Variants in GKAP1 observed in about 807,000 individuals in gnomAD.
The protein encoded by GKAP1 is G kinase anchoring protein 1.
In GKAP1, 31 loss-of-function variants were observed where a neutral mutation model predicts 56.7. The ratio of observed to expected loss-of-function variants is 0.55; its 90% CI spans 0.41 to 0.74. The LOEUF is 0.74. Among genes scored for constraint, GKAP1 ranks in the 30% least tolerant of loss-of-function variants. The pLI, the probability that GKAP1 is intolerant of heterozygous loss-of-function variation, is 0.00. For synonymous variants in GKAP1, 151 were observed against 138.6 expected (o/e 1.09, Z -0.63); for missense variants, 364 against 402.3 (o/e 0.90, Z 0.82).
intron 6 of GKAP1, among the ~76,000 whole-genome samples, chr9:83,783,798 TGTCA>T (rs1587721712): frequency 6.6e-6 from 1 of 152,330 alleles, no homozygotes; most frequent in East Asian, 1.9e-4. Flanking sequence ...AAACTACAAA[TGTCA>T]GTTTTTATTT....
At chr9:83,759,161 G>A (rs968606057) in intron 8 of GKAP1, among the ~76,000 whole-genome samples, 6 of 152,080 alleles carry the variant, frequency 3.9e-5, no homozygotes, top group African/African-American at 1.4e-4. Flanking sequence ...CCTCTTCTGA[G>A]GATATCCATG....
chr9:83,780,065 G>A (rs1564202095), intron 7 of GKAP1, among the ~76,000 whole-genome samples: 1 of 152,030 alleles, frequency 6.6e-6, no homozygotes, highest in Non-Finnish European at 1.5e-5. Context: ...AATATAGAGT[G>A]AGAGATTAAA....
chr9:83,782,682 T>TA (rs1943995572), intron 6 of GKAP1, among the ~76,000 whole-genome samples: 1 of 141,568 alleles, frequency 7.1e-6, no homozygotes, highest in Non-Finnish European at 1.5e-5. Flanking sequence ...TTTTTTTTTT[T>TA]AAAGATGAAG....
At chr9:83,807,327 T>G (rs1944453718) in intron 2 of GKAP1, among the ~76,000 whole-genome samples, 1 of 152,208 alleles carries the variant, frequency 6.6e-6, no homozygotes. Flanking sequence ...TTCTGGAAGT[T>G]AGCGGCTGAG....
chr9:83,806,762 T>A (rs1587742313), intron 2 of GKAP1, among the ~76,000 whole-genome samples: 1 of 152,340 alleles, frequency 6.6e-6, no homozygotes, highest in South Asian at 2.1e-4. Flanking sequence ...TAGAAAAATA[T>A]GAGATTTCAC....
chr9:83,780,843 T>C (rs1033946181), intron 6 of GKAP1, among the ~76,000 whole-genome samples: 1 of 152,178 alleles, frequency 6.6e-6, no homozygotes, highest in Non-Finnish European at 1.5e-5. Flanking sequence ...AGAATAGTAA[T>C]TTATGTCCTT....
rs554108743 is a variant in GKAP1, at chr9:83,804,102, G to A, written c.216+2200C>T. ...TGAGGAGCGTCTCCGCCCGGCAGCC[G>A]CCCCGTCCGGGAGGGAGGTAGGGGG... is the stretch of plus-strand genomic sequence containing the variant. On this transcript the variant is annotated intron_variant, in intron 3 of 12. Transcript: ENST00000376371. Among the ~76,000 whole-genome samples, 129 of 146,752 alleles carry A rather than the reference G, an allele frequency of 8.8e-4. 1 individual carries two copies. The South Asian group carries it at 0.027, about 31-fold the overall frequency.
At chr9:83,748,398 G>GT in intron 9 of GKAP1, 26 bp from the exon 10 acceptor site, 1 of 1,363,728 alleles carries the variant, frequency 7.3e-7, no homozygotes, top group Non-Finnish European at 1.0e-6. Context: ...AAAAGATTTA[G>GT]TTTTTTTAAA....
At chr9:83,749,324 T>C (rs1383879974) in intron 9 of GKAP1, among the ~76,000 whole-genome samples, 3 of 151,894 alleles carry the variant, frequency 2.0e-5, no homozygotes, top group African/African-American at 7.3e-5. Context: ...CCTCCTGGGT[T>C]CAAGTGATTT....
Position 83,799,226 on chromosome 9 carries a change from G to A in GKAP1, c.319C>T (p.Arg107Ter). 4 of 1,612,804 alleles carry A rather than the reference G, an allele frequency of 2.5e-6. No individual in the cohort carries two copies. Among genetic ancestry groups the A allele is most frequent in the African/African-American group, 1.3e-5 (1 of 74,870 alleles). The change falls in exon 4 of 13, where the codon CGA becomes TGA. Residue 107 changes from arginine to a stop codon, truncating the protein, a stop_gained. Coordinates refer to ENST00000376371, the MANE Select transcript of GKAP1 (RefSeq NM_025211.4). LOFTEE classifies it high-confidence loss of function. The stretch of plus-strand genomic sequence containing the variant: ...CTCCACTCTTGCCAATTTTCTTCTC[G>A]TGAATCCTTCTGTACTGGGTTTGAC... ...PLSNPVQKDS[R>*]EENWQEWRQR... is the part of the protein sequence containing the mutation.
chr9:83,753,060 A>AAACAAC (rs113320506), intron 9 of GKAP1, among the ~76,000 whole-genome samples, 198 bp downstream of exon 9: 39 of 149,646 alleles, frequency 2.6e-4, no homozygotes, highest in East Asian at 5.9e-4. Context: ...ACTCCATCTC[A>AAACAAC]AACAACAACA....
chr9:83,740,813 T>C (rs1158547764), intron 12 of GKAP1, among the ~76,000 whole-genome samples: 4 of 152,186 alleles, frequency 2.6e-5, no homozygotes, highest in African/African-American at 4.8e-5. Flanking sequence ...TTGATAATGA[T>C]GGCAGTTTCT....
Position 83,753,004 on chromosome 9 carries a change from G to A in GKAP1, c.840+254C>T, listed in dbSNP as rs145655503. On this transcript the variant is annotated intron_variant, in intron 9 of 12. Coordinates refer to ENST00000376371, the MANE Select transcript of GKAP1 (RefSeq NM_025211.4). Reference sequence around the variant, plus strand: ...CTTGAACCCAGGCGGAGGTTGCACCGAGCTGAGATCACTCCATTGCACTCC... The same window carrying A: ...CTTGAACCCAGGCGGAGGTTGCACCAAGCTGAGATCACTCCATTGCACTCC... Among the ~76,000 whole-genome samples the A allele has an allele frequency of 3.8e-3, 574 of 152,002 alleles. 10 individuals carry two copies. Among genetic ancestry groups the A allele is most frequent in the African/African-American group, 0.013 (539 of 41,454 alleles).
chr9:83,813,067 G>C (rs913951179), intron 2 of GKAP1, among the ~76,000 whole-genome samples: 10 of 152,138 alleles, frequency 6.6e-5, no homozygotes, highest in African/African-American at 2.4e-4. Context: ...GTCATGGCTA[G>C]GGTTAGTATT....
intron 2 of GKAP1, among the ~76,000 whole-genome samples, chr9:83,815,872 T>C (rs572047420): frequency 6.6e-6 from 1 of 152,180 alleles, no homozygotes; most frequent in Admixed American, 6.5e-5. Context: ...AAACAGTATC[T>C]TTCACTTTGG....
chr9:83,773,975 T>C (rs1943807370), intron 7 of GKAP1, among the ~76,000 whole-genome samples: 1 of 152,118 alleles, frequency 6.6e-6, no homozygotes, highest in Middle Eastern at 3.2e-3. Flanking sequence ...TCCTACTTTA[T>C]TATTACTATT....
At chr9:83,814,724 T>C (rs919210216) in intron 2 of GKAP1, among the ~76,000 whole-genome samples, 20 of 152,238 alleles carry the variant, frequency 1.3e-4, no homozygotes, top group African/African-American at 4.8e-4. Flanking sequence ...AAAAGAAATA[T>C]GTGAAGTGCA....
At chr9:83,746,684 A>G (rs1253817579) in intron 10 of GKAP1, among the ~76,000 whole-genome samples, 1 of 150,876 alleles carries the variant, frequency 6.6e-6, no homozygotes, top group Non-Finnish European at 1.5e-5. Flanking sequence ...ACAGAGAAAG[A>G]CTCCTTCTCA....
At chr9:83,779,610 TATACACACACAC>T (rs1943936188) in intron 7 of GKAP1, among the ~76,000 whole-genome samples, 1 of 84,216 alleles carries the variant, frequency 1.2e-5, no homozygotes, top group Admixed American at 1.5e-4. Flanking sequence ...TATATACACA[TATACACACACAC>T]ACACACACAC....
Sources: gnomAD v4.1 joint callset for allele counts (sites outside exome capture counted in the v4.1 genomes callset) on GRCh38, gnomAD v4.1.1 for gene constraint, MANE v1.5 for transcripts, NCBI Gene and HGNC (gene_info 2026-07-23, HGNC 2026-07-21) for gene names.